ADAT1: variants seen among roughly 807,000 people sequenced by gnomAD.
ADAT1 encodes the protein tRNA-specific adenosine deaminase 1.
Under a neutral mutation model 58.6 loss-of-function variants are expected in ADAT1, and 58 were observed. That is an observed-to-expected ratio of 0.99 (90% CI 0.80 to 1.23). ADAT1 has a LOEUF of 1.23. Ranked by LOEUF, ADAT1 falls within the 50% of genes most tolerant of loss-of-function variation. The pLI, the probability that ADAT1 is intolerant of heterozygous loss-of-function variation, is 0.00. For synonymous variants in ADAT1, 254 were observed against 220.8 expected (o/e 1.15, Z -1.33); for missense variants, 741 against 608.6 (o/e 1.22, Z -2.29).
intron 9 of ADAT1, among the ~76,000 whole-genome samples, chr16:75,602,298 G>A (rs963146202): frequency 2.0e-5 from 3 of 152,222 alleles, no homozygotes; most frequent in Non-Finnish European, 4.4e-5. Flanking sequence ...GCAGCAATGT[G>A]CTGGGAAGGT....
At chr16:75,618,509 CAAAAAA>C in intron 4 of ADAT1, 71 bp downstream of exon 4, 2 of 780,210 alleles carry the variant, frequency 2.6e-6, no homozygotes, top group Non-Finnish European at 1.9e-6. Flanking sequence ...CTGTCCCCCC[CAAAAAA>C]AAAAAAAAAA....
rs556157152 is a variant in ADAT1, at chr16:75,598,579, C to A, written c.*1637G>T. ...TGTCACCCAGGCTGGAGTGCAATGG[C>A]ATGATCTTGACTCACTGCAACCTCC... On this transcript the variant is annotated 3_prime_UTR_variant, in exon 10 of 10. Transcript: ENST00000564657. Among the ~76,000 whole-genome samples the A allele has an allele frequency of 6.7e-5, 10 of 149,862 alleles. No homozygotes were observed. Among genetic ancestry groups the A allele is most frequent in the Non-Finnish European group, 1.0e-4 (7 of 67,636 alleles).
Position 75,608,885 on chromosome 16 carries a change from T to C in ADAT1, c.1147A>G (p.Lys383Glu), listed in dbSNP as rs776350066. Reference protein sequence around the residue: ...FEQSRSAVQAKRADSPGRLVP... With the variant: ...FEQSRSAVQAERADSPGRLVP... Reference sequence around the variant, plus strand: ...AGTCGACCTGGGCTATCAGCCCTTTTTGCCTGCACCGCACTGCGGCTCTGT... The same window carrying C: ...AGTCGACCTGGGCTATCAGCCCTTTCTGCCTGCACCGCACTGCGGCTCTGT... The change falls in exon 7 of 10, where the codon AAA becomes GAA. Residue 383 changes from lysine to glutamate, a missense_variant. Coordinates refer to ENST00000564657, the MANE Select transcript of ADAT1 (RefSeq NM_001324445.2). 2 of 1,614,212 alleles carry C rather than the reference T, an allele frequency of 1.2e-6. No homozygotes were observed. Among genetic ancestry groups the C allele is most frequent in the Non-Finnish European group, 1.7e-6 (2 of 1,180,028 alleles).
rs975317145 is a variant in ADAT1 at position 75,612,430 on chromosome 16, C to T, written c.856G>A (p.Val286Met). 5 of 1,614,254 alleles carry T rather than the reference C, an allele frequency of 3.1e-6. No individual in the cohort carries two copies. In the East Asian group the frequency reaches 6.7e-5, roughly 22 times the overall value. The part of the protein sequence containing the change: ...AAFHQVGLLR[V>M]KPGRGDRTRS... ...GTTCTGTCTCCACGGCCTGGCTTCA[C>T]TCGGAGCAGCCCCACCTGGTGAAAC... The change falls in exon 6 of 10, where the codon GTG (valine) becomes ATG (methionine). Residue 286 changes from valine (V) to methionine (M), a missense_variant. By Grantham distance (21) the Val-to-Met change is conservative. Coordinates refer to ENST00000564657, the MANE Select transcript of ADAT1 (RefSeq NM_001324445.2).
At chr16:75,619,543 G>A (rs1403382049) in intron 3 of ADAT1, 2 of 432,218 alleles carry the variant, frequency 4.6e-6, no homozygotes, top group Non-Finnish European at 4.6e-6. Flanking sequence ...AAAAACCACT[G>A]AAACAGACAA....
chr16:75,616,792 G>C (rs1457239268), intron 5 of ADAT1, among the ~76,000 whole-genome samples: 1 of 152,202 alleles, frequency 6.6e-6, no homozygotes, highest in Non-Finnish European at 1.5e-5. Context: ...ATGACTAAAT[G>C]AACGAAATGA....
chr16:75,618,143 G>GACCACATT (rs2081800173), intron 4 of ADAT1, among the ~76,000 whole-genome samples: 1 of 138,578 alleles, frequency 7.2e-6, no homozygotes, highest in African/African-American at 2.7e-5. Context: ...CACTAGTCTA[G>GACCACATT]ACCACATTAC....
At position 75,598,605 on chromosome 16, in the gene ADAT1, G is replaced by A. The variant is rs1213203668; in HGVS notation, c.*1611C>T. Among the ~76,000 whole-genome samples the A allele has an allele frequency of 2.7e-5, 4 of 148,018 alleles. No homozygotes were observed. Among genetic ancestry groups the A allele is most frequent in the Non-Finnish European group, 5.9e-5 (4 of 67,360 alleles). On this transcript the variant is annotated 3_prime_UTR_variant, in exon 10 of 10. Coordinates refer to ENST00000564657, the MANE Select transcript of ADAT1 (RefSeq NM_001324445.2). ...ATGATCTTGACTCACTGCAACCTCC[G>A]CCTCCCAGGTTCAAGTGATTCTCCT... is the stretch of plus-strand genomic sequence containing the variant.
intron 9 of ADAT1, 36 bp downstream of exon 9, chr16:75,603,049 A>G (rs752552651): frequency 1.3e-6 from 2 of 1,583,058 alleles, no homozygotes; most frequent in Non-Finnish European, 1.7e-6. Flanking sequence ...ACAGTTGTCT[A>G]CCTAAATATG....
chr16:75,608,366 T>C (rs563162652), intron 7 of ADAT1, 43 bp from the exon 8 acceptor site: 2 of 1,485,052 alleles, frequency 1.3e-6, no homozygotes, highest in African/African-American at 1.4e-5. Flanking sequence ...GCTCAATTTC[T>C]TGTGAAAGTC....
In ADAT1 at chr16:75,597,177, G is replaced by C. The variant is rs977681613; in HGVS notation, c.*3039C>G. ...GAATGTGACTTTAGTTGGAAATAGA[G>C]TCTTTGCAGATCTAGTTAGTTAAGA... On this transcript the variant is annotated 3_prime_UTR_variant, in exon 10 of 10. Transcript: ENST00000564657. 1 of 218,930 alleles carries C rather than the reference G, an allele frequency of 4.6e-6. No individual in the cohort carries two copies. Among genetic ancestry groups the C allele is most frequent in the Non-Finnish European group, 9.5e-6 (1 of 105,250 alleles). The allele number at this position is 218,930 out of a possible 1,614,324, so 13.6% of individuals were successfully genotyped here.
rs578230906 is a variant in ADAT1 at position 75,599,351 on chromosome 16, G to C, written c.*865C>G. 1 of 984,874 alleles carries C rather than the reference G, an allele frequency of 1.0e-6. No individual in the cohort carries two copies. Among genetic ancestry groups the C allele is most frequent in the South Asian group, 4.7e-5 (1 of 21,262 alleles). The allele number at this position is 984,874 out of a possible 1,614,324, so 61.0% of individuals were successfully genotyped here. A position where few individuals can be genotyped will look rare whatever the true frequency, so the allele number is the denominator to read the frequency against. Reference sequence around the variant, plus strand: ...CCTGCCTGGGCTTCCCAAAGTGCTGGGATTACAGGCCTGAGCCACCAAGCC... The same window carrying C: ...CCTGCCTGGGCTTCCCAAAGTGCTGCGATTACAGGCCTGAGCCACCAAGCC... On this transcript the variant is annotated 3_prime_UTR_variant, in exon 10 of 10. Coordinates refer to ENST00000564657, the MANE Select transcript of ADAT1 (RefSeq NM_001324445.2).
chr16:75,622,673 T>C lies in ADAT1; in HGVS notation c.-292A>G, dbSNP rs2081969252. ...CATTATAATTCGAGCCTACACCCCC[T>C]CCTAGATCTTGAAAACTTGAAGAAC... is the stretch of plus-strand genomic sequence containing the variant. On this transcript the variant is annotated 5_prime_UTR_variant, in exon 1 of 10. Transcript: ENST00000564657. The C allele has an allele frequency of 6.6e-6, 1 of 152,214 alleles. No homozygotes were observed. 9.4% of individuals were successfully genotyped at this position (152,214 alleles called of 1,614,324 possible). A position where few individuals can be genotyped will look rare whatever the true frequency, so the allele number is the denominator to read the frequency against.
Position 75,599,064 on chromosome 16 carries a change from C to G in ADAT1, c.*1152G>C, listed in dbSNP as rs186417849. 1.2e-5 allele frequency: 12 copies of G among 967,822 alleles called. No homozygotes were observed. In the East Asian group the frequency reaches 1.1e-3, roughly 86 times the overall value. The allele number at this position is 967,822 out of a possible 1,614,324, so 60.0% of individuals were successfully genotyped here. ...GTCTATTGCTGATTTGCTGCAGGGCCTTTTGGCTTCTTTTTTTTTTTTTTT... is the reference window on the plus strand; with the variant it reads ...GTCTATTGCTGATTTGCTGCAGGGCGTTTTGGCTTCTTTTTTTTTTTTTTT... On this transcript the variant is annotated 3_prime_UTR_variant, in exon 10 of 10. Transcript: ENST00000564657.
At chr16:75,615,672 A>G (rs542039797) in intron 5 of ADAT1, among the ~76,000 whole-genome samples, 3 of 152,214 alleles carry the variant, frequency 2.0e-5, no homozygotes, top group African/African-American at 4.8e-5. Context: ...TTCTTTCTCC[A>G]CAATAAGGCT....
In ADAT1 at chr16:75,617,134, A is replaced by G. The variant is rs1249542243; in HGVS notation, c.424+8T>C. On this transcript the variant is annotated splice_region_variant and intron_variant, in intron 5 of 9. Transcript: ENST00000564657. ...GTAACATTAATCCAAAGGCTTGAAT[A>G]TACTTACAGGGTGTATGGCTGGAGA... The G allele has an allele frequency of 7.5e-6, 12 of 1,605,426 alleles. No individual in the cohort carries two copies. The highest frequency in any genetic ancestry group is 1.7e-5 in the Admixed American group (1 of 59,828).
At chr16:75,607,974 A>C (rs1448578613) in intron 8 of ADAT1, among the ~76,000 whole-genome samples, 2 of 152,230 alleles carry the variant, frequency 1.3e-5, no homozygotes, top group Non-Finnish European at 2.9e-5. Context: ...TAAGTGAAAG[A>C]AGCCAGATAC....
chr16:75,620,990 T>C (rs944211044), intron 1 of ADAT1, among the ~76,000 whole-genome samples, 170 bp from the exon 2 acceptor site: 2 of 152,298 alleles, frequency 1.3e-5, no homozygotes, highest in South Asian at 2.1e-4. Context: ...CTTTTCATCT[T>C]TAATGAAAGA....
chr16:75,608,714 C>A, intron 7 of ADAT1, 129 bp downstream of exon 7: 1 of 1,183,192 alleles, frequency 8.5e-7, no homozygotes, highest in Non-Finnish European at 1.2e-6. Context: ...ATGGGTGTCT[C>A]TAAAGCCCAC....
Sources: gnomAD v4.1 joint callset for allele counts (sites outside exome capture counted in the v4.1 genomes callset) on GRCh38, gnomAD v4.1.1 for gene constraint, MANE v1.5 for transcripts, NCBI Gene and HGNC (gene_info 2026-07-23, HGNC 2026-07-21) for gene names.